CA10: variants seen among roughly 807,000 people sequenced by gnomAD.
CA10 encodes the protein carbonic anhydrase 10 (inactive).
A neutral mutation model predicts 44.2 loss-of-function variants in CA10; 14 were observed. The ratio of observed to expected loss-of-function variants is 0.32; its 90% confidence interval spans 0.21 to 0.50. The LOEUF is 0.50. CA10 is among the 20% of genes least tolerant of loss of function. The pLI, the probability that CA10 is intolerant of heterozygous loss-of-function variation, is 0.99. For synonymous variants in CA10, 159 were observed against 141.6 expected, an observed-to-expected ratio of 1.12 and a Z score of -0.87; for missense variants, 350 against 409.7, an observed-to-expected ratio of 0.85 and a Z score of 1.26.
At chr17:51,679,037 G>A (rs1331600901) in intron 4 of CA10, among the ~76,000 whole-genome samples, 1 of 152,108 alleles carries the variant, frequency 6.6e-6, no homozygotes, top group Non-Finnish European at 1.5e-5. Context: ...TTTCTTATTT[G>A]TATGCTACAG....
chr17:51,967,543 A>G (rs765310995), intron 2 of CA10, among the ~76,000 whole-genome samples: 1 of 151,810 alleles, frequency 6.6e-6, no homozygotes, highest in Non-Finnish European at 1.5e-5. Flanking sequence ...CTGCAGTAAC[A>G]TAGATGCACC....
intron 1 of CA10, among the ~76,000 whole-genome samples, chr17:52,137,253 A>G (rs541438236): frequency 5.3e-5 from 8 of 152,164 alleles, no homozygotes; most frequent in Non-Finnish European, 1.2e-4. Flanking sequence ...CCTAAGCCTC[A>G]GCTTCCTCAT....
intron 4 of CA10, among the ~76,000 whole-genome samples, chr17:51,690,568 C>T (rs1311231319): frequency 2.6e-5 from 4 of 152,110 alleles, no homozygotes; most frequent in Non-Finnish European, 5.9e-5. Context: ...TGGGTATTCC[C>T]ATGCTGTTCT....
At chr17:52,141,534 T>C (rs1367250617) in intron 1 of CA10, among the ~76,000 whole-genome samples, 2 of 152,182 alleles carry the variant, frequency 1.3e-5, no homozygotes, top group East Asian at 1.9e-4. Flanking sequence ...AGAATACATG[T>C]TTTAGGCTTT....
rs187963481 is a variant in CA10 at position 51,991,906 on chromosome 17, G to A, written c.137-60774C>T. ...CCCCTCCTCTGCCCACTCCAGCTCT[G>A]CCCTCTCACCTATCTCTGCGGCCCT... On this transcript the variant is annotated intron_variant, in intron 2 of 8. Transcript: ENST00000451037. Among the ~76,000 whole-genome samples, 3 of 152,060 alleles carry A rather than the reference G, an allele frequency of 2.0e-5. No homozygotes were observed. The East Asian group carries it at 5.8e-4, about 29-fold the overall frequency.
chr17:51,704,301 C>T (rs1328529620), intron 4 of CA10, among the ~76,000 whole-genome samples: 1 of 152,182 alleles, frequency 6.6e-6, no homozygotes, highest in Non-Finnish European at 1.5e-5. Context: ...ATAACCAATA[C>T]TTTGAAAGAG....
intron 2 of CA10, among the ~76,000 whole-genome samples, chr17:51,946,028 G>A (rs1598132538): frequency 6.6e-6 from 1 of 152,066 alleles, no homozygotes; most frequent in Non-Finnish European, 1.5e-5. Context: ...AACCTGGGGG[G>A]CGGCTTATTA....
In CA10 at chr17:51,703,979, C is replaced by T. The variant is rs187693169; in HGVS notation, c.465+43654G>A. Among the ~76,000 whole-genome samples, 667 of 152,172 alleles carry T rather than the reference C, an allele frequency of 4.4e-3. 1 individual carries two copies. The highest frequency in any genetic ancestry group is 7.2e-3 in the Non-Finnish European group (490 of 68,006). ...CTATGGGGTCACATTGATGCTGTGG[C>T]CCAAGAGAGGTTGCCATGACTCGAG... On this transcript the variant is annotated intron_variant, in intron 4 of 8. Transcript: ENST00000451037.
intron 3 of CA10, among the ~76,000 whole-genome samples, chr17:51,884,683 C>G (rs998390644): frequency 6.6e-6 from 1 of 150,518 alleles, no homozygotes; most frequent in Non-Finnish European, 1.5e-5. Flanking sequence ...TTAGCACAAA[C>G]TGGGAGGCTT....
chr17:51,907,818 C>T (rs1981622900), intron 3 of CA10, among the ~76,000 whole-genome samples: 1 of 152,138 alleles, frequency 6.6e-6, no homozygotes, highest in Non-Finnish European at 1.5e-5. Context: ...CTTCCTTTTC[C>T]CCGCAGGACT....
At chr17:51,846,452 A>G (rs925426503) in intron 3 of CA10, among the ~76,000 whole-genome samples, 4 of 152,222 alleles carry the variant, frequency 2.6e-5, no homozygotes, top group African/African-American at 9.6e-5. Context: ...CCCTTGTTGC[A>G]CAATGATCTA....
chr17:52,001,631 G>C (rs1041916741), intron 2 of CA10, among the ~76,000 whole-genome samples: 2 of 151,762 alleles, frequency 1.3e-5, no homozygotes, highest in African/African-American at 4.8e-5. Flanking sequence ...ATTTTTAGGA[G>C]ACATTCTAGT....
chr17:52,026,226 A>G (rs11652898), intron 2 of CA10, among the ~76,000 whole-genome samples: 60,404 of 151,902 alleles, frequency 0.4, 13,380 homozygotes, highest in East Asian at 0.74. Context: ...GGCCCCATGC[A>G]GCTGAGGATT....
At chr17:52,055,670 T>C (rs1038630891) in intron 2 of CA10, among the ~76,000 whole-genome samples, 1 of 152,106 alleles carries the variant, frequency 6.6e-6, no homozygotes, top group Non-Finnish European at 1.5e-5. Context: ...ATATTACTGA[T>C]ACCGTTTCAG....
chr17:51,719,072 C>T (rs558635589), intron 4 of CA10, among the ~76,000 whole-genome samples: 24 of 152,268 alleles, frequency 1.6e-4, no homozygotes, highest in African/African-American at 5.5e-4. Flanking sequence ...GAGCATACCA[C>T]ACATCAGCAT....
chr17:51,906,487 C>T (rs866553373), intron 3 of CA10, among the ~76,000 whole-genome samples: 8 of 152,242 alleles, frequency 5.3e-5, no homozygotes, highest in African/African-American at 9.6e-5. Context: ...AATCTCTAAA[C>T]GTCAGGATAC....
intron 2 of CA10, among the ~76,000 whole-genome samples, chr17:51,964,920 A>G (rs1984026077): frequency 6.6e-6 from 1 of 151,918 alleles, no homozygotes; most frequent in African/African-American, 2.4e-5. Context: ...GAACTGAAAG[A>G]AATTGAGACC....
intron 7 of CA10, 63 bp downstream of exon 7, chr17:51,635,792 T>G (rs752132119): frequency 8.2e-6 from 11 of 1,343,282 alleles, no homozygotes; most frequent in African/African-American, 1.5e-5. Context: ...GCACTCCACA[T>G]TTCAGTGATT....
chr17:52,142,495 T>C (rs562379373), intron 1 of CA10, among the ~76,000 whole-genome samples: 8 of 152,188 alleles, frequency 5.3e-5, no homozygotes, highest in African/African-American at 1.9e-4. Flanking sequence ...TTATAAAAAA[T>C]CACTGATGGG....
Sources: gnomAD v4.1 joint callset for allele counts (sites outside exome capture counted in the v4.1 genomes callset) on GRCh38, gnomAD v4.1.1 for gene constraint, MANE v1.5 for transcripts, NCBI Gene and HGNC (gene_info 2026-07-23, HGNC 2026-07-21) for gene names.